The following TCEA1 variants were observed in gnomAD, a reference collection of about 807,000 sequenced individuals.
The protein encoded by TCEA1 is transcription elongation factor A1.
Under a neutral mutation model 43.8 loss-of-function variants are expected in TCEA1, and 21 were observed. The observed-to-expected ratio is 0.48, with a 90% confidence interval of 0.34 to 0.69. TCEA1 has a LOEUF of 0.69. Among genes scored for constraint, TCEA1 ranks in the 30% least tolerant of loss-of-function variants. TCEA1 has a pLI of 0.01. For missense variants in TCEA1, 250 were observed against 365.1 expected (o/e 0.68, Z 2.57); for synonymous variants, 104 against 117.5 (o/e 0.88, Z 0.75).
intron 4 of TCEA1, 39 bp downstream of exon 4, chr8:53,993,629 T>C: frequency 1.3e-6 from 2 of 1,518,000 alleles, no homozygotes; most frequent in Non-Finnish European, 1.8e-6. Flanking sequence ...AGTAAAACTA[T>C]GACTTTCAAT....
chr8:53,994,551 A>G (rs1803985406), intron 3 of TCEA1, among the ~76,000 whole-genome samples: 2 of 152,142 alleles, frequency 1.3e-5, no homozygotes, highest in Admixed American at 1.3e-4. Flanking sequence ...ACTATAAAGT[A>G]ATACAGAGTG....
In TCEA1 at chr8:54,022,023, C is replaced by T. The variant is rs766690545; in HGVS notation, c.63+40G>A. On this transcript the variant is annotated intron_variant, in intron 1 of 9. Transcript: ENST00000521604. ...GCGGCCCCCTCGGGCCGGACCGCGGCCCGGCCTCCCTCCCGGCCCGCGCCG... is the reference window on the plus strand; with the variant it reads ...GCGGCCCCCTCGGGCCGGACCGCGGTCCGGCCTCCCTCCCGGCCCGCGCCG... 8 of 1,553,294 alleles carry T rather than the reference C, an allele frequency of 5.2e-6. No individual in the cohort carries two copies. In the South Asian group the frequency reaches 8.2e-5, roughly 16 times the overall value.
chr8:53,998,435 T>C (rs1363815777), intron 3 of TCEA1, among the ~76,000 whole-genome samples: 2 of 152,140 alleles, frequency 1.3e-5, no homozygotes, highest in East Asian at 3.8e-4. Flanking sequence ...CTTTCTTCTA[T>C]AGGAAATGAC....
intron 8 of TCEA1, among the ~76,000 whole-genome samples, chr8:53,974,533 GGGGGT>G (rs1424923417): frequency 5.4e-4 from 79 of 147,248 alleles, no homozygotes; most frequent in African/African-American, 1.8e-3. Context: ...TAGTGGGGGT[GGGGGT>G]GGGGGGGGGA....
In TCEA1 at chr8:53,993,598, G is replaced by T. The variant is rs953020205; in HGVS notation, c.320+70C>A. The T allele has an allele frequency of 1.1e-5, 14 of 1,280,886 alleles. No individual in the cohort carries two copies. In the East Asian group the frequency reaches 3.1e-4, roughly 28 times the overall value. 79.3% of individuals were successfully genotyped at this position (1,280,886 alleles called of 1,614,324 possible). A position where few individuals can be genotyped will look rare whatever the true frequency, so the allele number is the denominator to read the frequency against. ...AAGGAGTGTAAATAGGGGAACATTAGACAGGGGAATTGATGCAGGAAGTAA... is the reference window on the plus strand; with the variant it reads ...AAGGAGTGTAAATAGGGGAACATTATACAGGGGAATTGATGCAGGAAGTAA... On this transcript the variant is annotated intron_variant, in intron 4 of 9. Coordinates refer to ENST00000521604, the MANE Select transcript of TCEA1 (RefSeq NM_006756.4).
At chr8:54,016,845 G>A (rs1045892740) in intron 1 of TCEA1, among the ~76,000 whole-genome samples, 4 of 151,636 alleles carry the variant, frequency 2.6e-5, no homozygotes, top group Non-Finnish European at 4.4e-5. Context: ...GTGGTGGTGC[G>A]CGCCTATAGT....
At chr8:53,972,076 T>A in intron 8 of TCEA1, 1 of 246,812 alleles carries the variant, frequency 4.1e-6, no homozygotes, top group Non-Finnish European at 8.1e-6. Context: ...TCTCCCAAGA[T>A]CAAGTGTTCT....
intron 1 of TCEA1, among the ~76,000 whole-genome samples, chr8:54,019,007 ATCC>A (rs936644197): frequency 3.3e-4 from 50 of 152,210 alleles, no homozygotes; most frequent in Admixed American, 1.2e-3. Flanking sequence ...AATACTTAGC[ATCC>A]TCATTTTCAG....
intron 1 of TCEA1, among the ~76,000 whole-genome samples, chr8:54,020,836 G>T (rs1274743554): frequency 2.0e-5 from 3 of 152,196 alleles, no homozygotes; most frequent in African/African-American, 7.2e-5. Flanking sequence ...CAGGTACACT[G>T]ATGATGAAAA....
chr8:53,996,537 C>T (rs902954908), intron 3 of TCEA1, among the ~76,000 whole-genome samples: 3 of 152,144 alleles, frequency 2.0e-5, no homozygotes, highest in African/African-American at 7.2e-5. Context: ...ATGTAGAAAT[C>T]TAGCTAACAA....
intron 3 of TCEA1, among the ~76,000 whole-genome samples, chr8:53,998,149 T>A (rs1325650234): frequency 6.6e-6 from 1 of 152,242 alleles, no homozygotes; most frequent in Non-Finnish European, 1.5e-5. Flanking sequence ...CATGAATGTA[T>A]ATGTAAGATA....
intron 2 of TCEA1, among the ~76,000 whole-genome samples, chr8:54,000,435 C>T (rs1004521942): frequency 2.6e-5 from 4 of 152,182 alleles, no homozygotes; most frequent in African/African-American, 7.2e-5. Flanking sequence ...CATTCCTCTA[C>T]ATGGATTACT....
At chr8:54,010,638 C>T (rs372118242) in intron 1 of TCEA1, 146 bp from the exon 2 acceptor site, 2 of 567,700 alleles carry the variant, frequency 3.5e-6, no homozygotes, top group African/African-American at 3.8e-5. Context: ...TAGCTTACAG[C>T]CAAATATTAC....
chr8:54,020,841 T>C (rs1443618026), intron 1 of TCEA1, among the ~76,000 whole-genome samples: 6 of 152,198 alleles, frequency 3.9e-5, no homozygotes, highest in African/African-American at 9.6e-5. Flanking sequence ...ACACTGATGA[T>C]GAAAATGTGC....
Position 54,022,089 on chromosome 8 carries a change from C to G in TCEA1, c.37G>C (p.Asp13His). The G allele has an allele frequency of 1.3e-6, 2 of 1,535,978 alleles. No individual in the cohort carries two copies. Among genetic ancestry groups the G allele is most frequent in the Non-Finnish European group, 1.8e-6 (2 of 1,133,644 alleles). ...GCGTTCTTCTTCTGCACCATCTTGT[C>G]CATCTTCTTGGCAAAGCGGACCACT... ...DEVVRFAKKM[D>H]KMVQKKNAAG... Residue 13 changes from aspartate to histidine, a missense_variant, in exon 1 of 10, where the codon GAC becomes CAC. Asp to His is a moderately conservative substitution (Grantham distance 81, BLOSUM62 -1). This residue lies in a region of TCEA1 where 30 missense variants were observed against 31.8 expected (regional missense o/e 0.94). Transcript: ENST00000521604.
intron 3 of TCEA1, among the ~76,000 whole-genome samples, chr8:53,998,669 A>G (rs1804145876): frequency 6.6e-6 from 1 of 152,210 alleles, no homozygotes; most frequent in African/African-American, 2.4e-5. Flanking sequence ...GCCCCAAAAT[A>G]AAATTTAAGG....
intron 3 of TCEA1, among the ~76,000 whole-genome samples, chr8:53,995,511 C>T (rs770734088): frequency 2.1e-4 from 32 of 151,982 alleles, no homozygotes; most frequent in Admixed American, 4.6e-4. Flanking sequence ...GTTCAGAAAA[C>T]GTTTGGGTCT....
chr8:53,978,974 G>C lies in TCEA1; in HGVS notation c.825+51C>G. On this transcript the variant is annotated intron_variant, in intron 8 of 9. Coordinates refer to ENST00000521604, the MANE Select transcript of TCEA1 (RefSeq NM_006756.4). ...ATCTTTGCTATTTATTTTAAAACAG[G>C]AGTTGCAAGCATTTTTATATAAAAA... The C allele has an allele frequency of 2.6e-6, 4 of 1,535,236 alleles. No individual in the cohort carries two copies. In the South Asian group the frequency reaches 4.8e-5, roughly 18 times the overall value.
At chr8:53,987,540 G>A (rs1386888930) in intron 5 of TCEA1, among the ~76,000 whole-genome samples, 3 of 152,110 alleles carry the variant, frequency 2.0e-5, no homozygotes, top group African/African-American at 7.2e-5. Context: ...GAGAAAATCA[G>A]GTCAAACTAG....
Sources: gnomAD v4.1 joint callset for allele counts (sites outside exome capture counted in the v4.1 genomes callset) on GRCh38, gnomAD v4.1.1 for gene constraint, gnomAD v4.1.1 regional missense constraint, MANE v1.5 for transcripts, NCBI Gene and HGNC (gene_info 2026-07-23, HGNC 2026-07-21) for gene names.